The following EPB41L3 variants were observed in gnomAD, a reference collection of about 807,000 sequenced individuals.
The protein encoded by EPB41L3 is band 4.1-like protein 3.
Under a neutral mutation model 127.1 loss-of-function variants are expected in EPB41L3, and 57 were observed. The ratio of observed to expected loss-of-function variants is 0.45; its 90% CI spans 0.36 to 0.56. The LOEUF (loss-of-function observed/expected upper bound fraction) is 0.56. EPB41L3 is among the 20% of genes least tolerant of loss of function. The pLI, the probability that EPB41L3 is intolerant of heterozygous loss-of-function variation, is 0.00. For missense variants in EPB41L3, 1,273 were observed against 1,372.2 expected, an observed-to-expected ratio of 0.93 and a Z score of 1.14; for synonymous variants, 572 against 549.5, an observed-to-expected ratio of 1.04 and a Z score of -0.57.
rs144186312 is a variant in EPB41L3 at position 5,555,191 on chromosome 18, C to T, written c.-306+57149G>A. On this transcript the variant is annotated intron_variant, in intron 3 of 21. Transcript: ENST00000545076. Reference sequence around the variant, plus strand: ...AAACATCGCCAGGTCATTCCTTCATCGATCTCCTTATCCCCAACCTCTGCC... The same window carrying T: ...AAACATCGCCAGGTCATTCCTTCATTGATCTCCTTATCCCCAACCTCTGCC... Among the ~76,000 whole-genome samples the T allele has an allele frequency of 7.7e-3, 1,174 of 152,314 alleles. 8 individuals are homozygous for T. The highest frequency in any genetic ancestry group is 0.011 in the Non-Finnish European group (772 of 68,036).
In EPB41L3 at chr18:5,419,780, G is replaced by A. The variant is rs550620428; in HGVS notation, c.1437C>T (p.Asp479=). 1.1e-4 allele frequency: 185 copies of A among 1,614,078 alleles called. No homozygotes were observed. The highest frequency in any genetic ancestry group is 1.6e-4 in the Middle Eastern group (1 of 6,062). The change falls in exon 12 of 23, where the codon GAC becomes GAT. Residue 479 remains aspartate (D), a synonymous_variant. Coordinates refer to ENST00000341928, the MANE Select transcript of EPB41L3 (RefSeq NM_012307.5). The stretch of plus-strand genomic sequence containing the variant: ...CCTTCCTCCGTTTGTCCTCTTCCTC[G>A]TCCCGCTCCTCCTCAGCCTTCTTCT... ...TPEKKAEEER[D]EEEDKRRKGE...
intron 1 of EPB41L3, 175 bp from the exon 2 acceptor site, chr18:5,489,369 G>T: frequency 1.6e-6 from 1 of 643,880 alleles, no homozygotes; most frequent in Non-Finnish European, 2.5e-6. Flanking sequence ...CCACTGAGAT[G>T]GGTGCCCACC....
intron 2 of EPB41L3, among the ~76,000 whole-genome samples, chr18:5,484,744 G>A (rs932071083): frequency 2.6e-5 from 4 of 151,626 alleles, no homozygotes; most frequent in African/African-American, 7.3e-5. Flanking sequence ...CAGAAGAAAC[G>A]GATAAATTTC....
chr18:5,433,943 C>T lies in EPB41L3; in HGVS notation c.784G>A (p.Glu262Lys). Reference sequence around the variant, plus strand: ...AGCTCGATCACTTTGTCTTCCAGTTCTTTAGTGTGGTTTGGTGCAAAGCGG... The same window carrying T: ...AGCTCGATCACTTTGTCTTCCAGTTTTTTAGTGTGGTTTGGTGCAAAGCGG... ...EFRFAPNHTK[E>K]LEDKVIELHK... is the part of the protein sequence containing the mutation. The change falls in exon 7 of 23, where the codon GAA (glutamate) becomes AAA (lysine). Residue 262 changes from glutamate (E) to lysine (K), a missense_variant. By Grantham distance (56) the Glu-to-Lys change is moderately conservative (BLOSUM62 1). Transcript: ENST00000341928. 2 of 1,614,206 alleles carry T rather than the reference C, an allele frequency of 1.2e-6. No homozygotes were observed. Among genetic ancestry groups the T allele is most frequent in the Non-Finnish European group, 1.7e-6 (2 of 1,180,042 alleles).
chr18:5,405,879 A>T (rs1393706102), intron 16 of EPB41L3, among the ~76,000 whole-genome samples: 1 of 142,468 alleles, frequency 7.0e-6, no homozygotes, highest in Non-Finnish European at 1.5e-5. Flanking sequence ...AACCTTACTT[A>T]AAAAAAAAAA....
At chr18:5,559,229 G>A (rs1388773335) in intron 3 of EPB41L3, among the ~76,000 whole-genome samples, 1 of 152,192 alleles carries the variant, frequency 6.6e-6, no homozygotes, top group Non-Finnish European at 1.5e-5. Flanking sequence ...ACAATGAAAT[G>A]TTCTTATATC....
intron 3 of EPB41L3, among the ~76,000 whole-genome samples, chr18:5,608,739 G>A (rs532656172): frequency 2.6e-5 from 4 of 152,112 alleles, no homozygotes; most frequent in Admixed American, 6.5e-5. Flanking sequence ...GAGGAGAGGG[G>A]AGATGAGAAG....
chr18:5,468,004 C>T (rs2085326365), intron 3 of EPB41L3, among the ~76,000 whole-genome samples: 1 of 152,180 alleles, frequency 6.6e-6, no homozygotes, highest in Admixed American at 6.5e-5. Flanking sequence ...CTCCCACTGC[C>T]TGGCTTCTCC....
intron 3 of EPB41L3, among the ~76,000 whole-genome samples, chr18:5,594,668 C>T (rs1719943): frequency 0.4 from 60,621 of 151,964 alleles, 12,762 homozygotes; most frequent in Non-Finnish European, 0.47. Flanking sequence ...AAAAAACCAG[C>T]TTTCTAAATT....
chr18:5,502,200 T>C (rs2091807042), intron 1 of EPB41L3, among the ~76,000 whole-genome samples: 1 of 152,198 alleles, frequency 6.6e-6, no homozygotes, highest in Admixed American at 6.5e-5. Context: ...TGTTCCATTT[T>C]AAATTCTTTG....
At chr18:5,437,646 G>GTA (rs1248700496) in intron 6 of EPB41L3, among the ~76,000 whole-genome samples, 9 of 152,178 alleles carry the variant, frequency 5.9e-5, no homozygotes, top group African/African-American at 2.2e-4. Flanking sequence ...ATGTGTGTGT[G>GTA]TATGTGTTGG....
chr18:5,432,244 C>T (rs138779504), intron 8 of EPB41L3, among the ~76,000 whole-genome samples: 42 of 152,264 alleles, frequency 2.8e-4, no homozygotes, highest in African/African-American at 8.9e-4. Context: ...GCAATGGGTC[C>T]GCAGGGGTGC....
intron 3 of EPB41L3, among the ~76,000 whole-genome samples, chr18:5,454,049 A>C (rs1253683211): frequency 1.3e-5 from 2 of 152,136 alleles, no homozygotes; most frequent in African/African-American, 4.8e-5. Context: ...GAGTTCGGCA[A>C]ACTCTCTGGG....
intron 1 of EPB41L3, among the ~76,000 whole-genome samples, chr18:5,524,374 T>C (rs924728694): frequency 8.5e-5 from 13 of 152,132 alleles, no homozygotes; most frequent in Non-Finnish European, 1.6e-4. Context: ...TTTGTATTTT[T>C]AGTAGAGACA....
At chr18:5,520,359 T>A (rs1409318246) in intron 1 of EPB41L3, among the ~76,000 whole-genome samples, 1 of 152,126 alleles carries the variant, frequency 6.6e-6, no homozygotes, top group Non-Finnish European at 1.5e-5. Flanking sequence ...TATAATAATA[T>A]ATTTTCCATA....
At chr18:5,605,856 G>A (rs2094645646) in intron 3 of EPB41L3, among the ~76,000 whole-genome samples, 1 of 152,184 alleles carries the variant, frequency 6.6e-6, no homozygotes, top group Admixed American at 6.5e-5. Flanking sequence ...GGAGGCAGGA[G>A]GTTATCAGAA....
chr18:5,478,710 A>G (rs1186517057), intron 2 of EPB41L3, among the ~76,000 whole-genome samples: 2 of 152,262 alleles, frequency 1.3e-5, no homozygotes, highest in African/African-American at 4.8e-5. Context: ...TCATTAAGCA[A>G]ACAATGAATA....
intron 9 of EPB41L3, among the ~76,000 whole-genome samples, chr18:5,427,736 T>C (rs747118584): frequency 1.2e-4 from 18 of 152,192 alleles, no homozygotes; most frequent in Non-Finnish European, 1.3e-4. Context: ...CACAAAATTA[T>C]TAATGATACT....
At chr18:5,524,387 G>A (rs1340779077) in intron 1 of EPB41L3, among the ~76,000 whole-genome samples, 2 of 152,016 alleles carry the variant, frequency 1.3e-5, no homozygotes, top group Non-Finnish European at 2.9e-5. Flanking sequence ...TAGAGACAGG[G>A]TTTCACCATG....
Sources: allele counts gnomAD v4.1 joint callset (sites outside exome capture counted in the v4.1 genomes callset), GRCh38; gene constraint gnomAD v4.1.1; transcripts MANE v1.5; gene names NCBI Gene and HGNC (gene_info 2026-07-23, HGNC 2026-07-21).